The following B3GALT1 variants were observed in gnomAD, a reference collection of about 807,000 sequenced individuals.
B3GALT1 encodes the protein beta-1,3-galactosyltransferase 1.
Under a neutral mutation model 23.2 loss-of-function variants are expected in B3GALT1, and 10 were observed. The observed-to-expected ratio is 0.43, with a 90% CI of 0.27 to 0.73. B3GALT1 has a LOEUF of 0.73. Ranked by LOEUF, B3GALT1 falls within the 30% of genes least tolerant of loss-of-function variation. The pLI is 0.21. For synonymous variants in B3GALT1, 156 were observed against 141.5 expected (o/e 1.10, Z -0.73); for missense variants, 299 against 405.4 (o/e 0.74, Z 2.25).
intron 1 of B3GALT1, among the ~76,000 whole-genome samples, chr2:167,436,514 C>T (rs916404291): frequency 6.6e-6 from 1 of 152,134 alleles, no homozygotes; most frequent in East Asian, 1.9e-4. Flanking sequence ...CTGTTAGTTA[C>T]CACCTGAAAC....
chr2:167,449,055 G>A (rs1699048344), intron 1 of B3GALT1, among the ~76,000 whole-genome samples: 1 of 152,008 alleles, frequency 6.6e-6, no homozygotes, highest in Non-Finnish European at 1.5e-5. Context: ...TGTTATTTTT[G>A]CTTAGTCTTC....
chr2:167,319,051 G>A (rs1696762660), intron 1 of B3GALT1, among the ~76,000 whole-genome samples: 1 of 152,102 alleles, frequency 6.6e-6, no homozygotes, highest in Admixed American at 6.5e-5. Flanking sequence ...AGGTCAGATG[G>A]GCTTTAGAGA....
intron 1 of B3GALT1, among the ~76,000 whole-genome samples, chr2:167,358,354 G>A (rs998206865): frequency 6.6e-6 from 1 of 152,114 alleles, no homozygotes; most frequent in Non-Finnish European, 1.5e-5. Flanking sequence ...TACTTTTATG[G>A]GCTATTGATT....
At chr2:167,784,531 C>G (rs975686607) in intron 3 of B3GALT1, among the ~76,000 whole-genome samples, 1 of 152,086 alleles carries the variant, frequency 6.6e-6, no homozygotes, top group African/African-American at 2.4e-5. Flanking sequence ...GGGGAATTGT[C>G]TAAAGAAAAT....
At chr2:167,840,170 T>C (rs1204392136) in intron 4 of B3GALT1, among the ~76,000 whole-genome samples, 2 of 151,732 alleles carry the variant, frequency 1.3e-5, no homozygotes, top group East Asian at 1.9e-4. Context: ...AAAGCCAAAA[T>C]TGACAAATGG....
intron 1 of B3GALT1, among the ~76,000 whole-genome samples, chr2:167,454,227 A>C (rs566323828): frequency 7.3e-6 from 1 of 137,048 alleles, no homozygotes; most frequent in East Asian, 1.9e-4. Context: ...GCGCGCGTGC[A>C]CGTGTGTGCA....
intron 1 of B3GALT1, among the ~76,000 whole-genome samples, chr2:167,372,941 TA>T (rs1419717193): frequency 6.6e-6 from 1 of 151,942 alleles, no homozygotes; most frequent in Admixed American, 6.6e-5. Flanking sequence ...ATCATAACCC[TA>T]AAAGACTTTG....
intron 1 of B3GALT1, among the ~76,000 whole-genome samples, chr2:167,328,911 C>G (rs1696933059): frequency 6.6e-6 from 1 of 152,130 alleles, no homozygotes; most frequent in African/African-American, 2.4e-5. Flanking sequence ...CTCCTAGATT[C>G]AAACAATTCT....
intron 1 of B3GALT1, among the ~76,000 whole-genome samples, chr2:167,387,474 A>G (rs1211530134): frequency 6.6e-6 from 1 of 152,204 alleles, no homozygotes; most frequent in Non-Finnish European, 1.5e-5. Context: ...CAACTGCAAA[A>G]TATCTTATTT....
chr2:167,588,949 C>T (rs1243652843), intron 2 of B3GALT1, among the ~76,000 whole-genome samples: 4 of 141,790 alleles, frequency 2.8e-5, no homozygotes, highest in African/African-American at 1.0e-4. Flanking sequence ...CTTCTTCCCT[C>T]CTTGTTTTTT....
intron 2 of B3GALT1, among the ~76,000 whole-genome samples, chr2:167,622,901 T>C (rs1212042911): frequency 6.6e-6 from 1 of 152,068 alleles, no homozygotes; most frequent in Admixed American, 6.6e-5. Context: ...GTTACAAAAA[T>C]GACTATGGAG....
At chr2:167,483,555 T>C (rs978435883) in intron 1 of B3GALT1, among the ~76,000 whole-genome samples, 15 of 152,154 alleles carry the variant, frequency 9.9e-5, no homozygotes, top group Non-Finnish European at 4.4e-5. Flanking sequence ...AATACACATA[T>C]ATGGTTGAGT....
intron 2 of B3GALT1, among the ~76,000 whole-genome samples, chr2:167,567,737 A>G (rs988090002): frequency 6.6e-6 from 1 of 152,058 alleles, no homozygotes; most frequent in African/African-American, 2.4e-5. Context: ...CTGAAACAAC[A>G]TTATCCCCCG....
intron 4 of B3GALT1, among the ~76,000 whole-genome samples, 66 bp downstream of exon 4, chr2:167,818,859 A>G (rs1416311651): frequency 6.6e-6 from 1 of 152,258 alleles, no homozygotes; most frequent in Non-Finnish European, 1.5e-5. Context: ...TCGAGGAAAA[A>G]TAACAGCAAC....
chr2:167,629,909 T>G (rs1391197356), intron 2 of B3GALT1, among the ~76,000 whole-genome samples: 8 of 151,822 alleles, frequency 5.3e-5, no homozygotes, highest in Admixed American at 5.3e-4. Flanking sequence ...ACTAAATAAT[T>G]ACATGACTAA....
At chr2:167,788,599 G>A (rs1301734481) in intron 3 of B3GALT1, among the ~76,000 whole-genome samples, 1 of 152,034 alleles carries the variant, frequency 6.6e-6, no homozygotes, top group African/African-American at 2.4e-5. Context: ...AGCTCAGGTG[G>A]TAATGCGAGC....
Position 167,451,138 on chromosome 2 carries a change from T to C in B3GALT1, c.-510-39039T>C, listed in dbSNP as rs182265705. Among the ~76,000 whole-genome samples the C allele has an allele frequency of 4.8e-4, 73 of 152,270 alleles. No homozygotes were observed. In the East Asian group the frequency reaches 0.012, roughly 25 times the overall value. On this transcript the variant is annotated intron_variant, in intron 1 of 4. Transcript: ENST00000392690. ...TATTTCCTTGAAGTGGACTTCACCT[T>C]TCTCTGATCCCTCCTTGATTAGCTT...
rs1687094423 is a variant in B3GALT1, at chr2:167,713,522, C to G, written c.-352+66556C>G. 3 of 619,418 alleles carry G rather than the reference C, an allele frequency of 4.8e-6. No homozygotes were observed. The Admixed American group carries it at 9.8e-5, about 20-fold the overall frequency. The allele number at this position is 619,418 out of a possible 1,614,324, so 38.4% of individuals were successfully genotyped here. A position where few individuals can be genotyped will look rare whatever the true frequency, so the allele number is the denominator to read the frequency against. On this transcript the variant is annotated intron_variant, in intron 3 of 4. Transcript: ENST00000392690. ...TTCATGTTTAAACCATCTTTATTTA[C>G]AAAATACTGTCCTGAGAACTGTAAT...
intron 2 of B3GALT1, among the ~76,000 whole-genome samples, chr2:167,588,957 T>TA (rs1684627378): frequency 6.6e-6 from 1 of 150,948 alleles, no homozygotes; most frequent in South Asian, 2.1e-4. Flanking sequence ...CTCCTTGTTT[T>TA]TTAGAGGTGG....
Sources: gnomAD v4.1 joint callset for allele counts (sites outside exome capture counted in the v4.1 genomes callset) on GRCh38, gnomAD v4.1.1 for gene constraint, MANE v1.5 for transcripts, NCBI Gene and HGNC (gene_info 2026-07-23, HGNC 2026-07-21) for gene names.